The following HTR4 variants were observed in gnomAD, a reference collection of about 807,000 sequenced individuals.
HTR4 encodes the protein 5-hydroxytryptamine receptor 4.
In HTR4, 16 loss-of-function variants were observed where a neutral mutation model predicts 36.8. That is an observed-to-expected ratio of 0.43 (90% CI 0.29 to 0.66). The LOEUF (loss-of-function observed/expected upper bound fraction) is 0.66, where lower values mean the gene tolerates loss of function less well. HTR4 is among the 30% of genes least tolerant of loss of function. HTR4 has a pLI of 0.13. For missense variants in HTR4, 438 were observed against 490.9 expected, an observed-to-expected ratio of 0.89 and a Z score of 1.02; for synonymous variants, 189 against 185.1, an observed-to-expected ratio of 1.02 and a Z score of -0.17.
chr5:148,531,326 G>A (rs146580423), intron 4 of HTR4, among the ~76,000 whole-genome samples: 1 of 152,052 alleles, frequency 6.6e-6, no homozygotes, highest in Admixed American at 6.6e-5. Context: ...TTAATCATGG[G>A]GTGGGTGTTC....
chr5:148,457,587 AG>A (rs1354367556), intron 5 of HTR4, among the ~76,000 whole-genome samples: 1 of 150,816 alleles, frequency 6.6e-6, no homozygotes, highest in Non-Finnish European at 1.5e-5. Flanking sequence ...AGACTGGGTG[AG>A]GAGGGAGGTT....
chr5:148,581,812 C>A (rs1761147667), intron 2 of HTR4, among the ~76,000 whole-genome samples: 1 of 151,948 alleles, frequency 6.6e-6, no homozygotes, highest in Non-Finnish European at 1.5e-5. Flanking sequence ...ATTGTCTTGA[C>A]TATTTAAGGT....
At chr5:148,472,173 G>C (rs1371406158), downstream of HTR4, among the ~76,000 whole-genome samples, 2 of 152,168 alleles carry the variant, frequency 1.3e-5, no homozygotes, top group Non-Finnish European at 1.5e-5. Flanking sequence ...TGGCAATACA[G>C]AGTCTCTTCC....
intron 1 of HTR4, among the ~76,000 whole-genome samples, chr5:148,653,608 AAC>A (rs56205829): frequency 0.21 from 31,989 of 148,892 alleles, 3,918 homozygotes; most frequent in African/African-American, 0.35. Flanking sequence ...CTCTCTCTCT[AAC>A]ACACACACAC....
At chr5:148,584,722 T>C (rs1761285411) in intron 2 of HTR4, among the ~76,000 whole-genome samples, 1 of 152,152 alleles carries the variant, frequency 6.6e-6, no homozygotes, top group Admixed American at 6.5e-5. Context: ...AGCAACAAGA[T>C]ATAGTTTGGG....
At chr5:148,559,693 G>A (rs1270295083) in intron 2 of HTR4, among the ~76,000 whole-genome samples, 3 of 152,032 alleles carry the variant, frequency 2.0e-5, no homozygotes, top group African/African-American at 2.4e-5. Flanking sequence ...CAATGACTGC[G>A]AGCTAGCTTC....
chr5:148,475,588 C>T (rs184011769), downstream of HTR4, among the ~76,000 whole-genome samples: 1 of 152,350 alleles, frequency 6.6e-6, no homozygotes, highest in African/African-American at 2.4e-5. Flanking sequence ...CCATCTCCAT[C>T]TTCTCCTGAA....
At chr5:148,537,064 A>G (rs1478617040) in intron 4 of HTR4, among the ~76,000 whole-genome samples, 1 of 152,244 alleles carries the variant, frequency 6.6e-6, no homozygotes, top group African/African-American at 2.4e-5. Context: ...CAATAAAAAC[A>G]GAAGTCAAGG....
intron 6 of HTR4, among the ~76,000 whole-genome samples, chr5:148,498,769 T>G (rs1284628356): frequency 6.6e-6 from 1 of 152,164 alleles, no homozygotes; most frequent in Non-Finnish European, 1.5e-5. Context: ...GAGATGAACT[T>G]CTTTTAAATT....
At chr5:148,545,479 A>G (rs1317486987) in intron 4 of HTR4, among the ~76,000 whole-genome samples, 1 of 152,266 alleles carries the variant, frequency 6.6e-6, no homozygotes, top group African/African-American at 2.4e-5. Context: ...ATTGGAATAG[A>G]AAGACATTTA....
rs780053250 is a variant in HTR4, at chr5:148,509,933, G to A, written c.599C>T (p.Ala200Val). Reference sequence around the variant, plus strand: ...CATGAGGAGAAATGGGATGTAGAAGGCCACCACAGAGCAGGTGATGGCGTA... The same window carrying A: ...CATGAGGAGAAATGGGATGTAGAAGACCACCACAGAGCAGGTGATGGCGTA... ...KPYAITCSVV[A>V]FYIPFLLMVL... The change falls in exon 6 of 7, where the codon GCC (alanine) becomes GTC (valine). Residue 200 changes from alanine (A) to valine (V), a missense_variant. Ala to Val is a moderately conservative substitution (Grantham distance 64). Transcript: ENST00000377888. The A allele has an allele frequency of 6.2e-7, 1 of 1,613,926 alleles. No homozygotes were observed. The highest frequency in any genetic ancestry group is 8.5e-7 in the Non-Finnish European group (1 of 1,179,948).
chr5:148,638,940 G>C (rs1753638635), intron 1 of HTR4, among the ~76,000 whole-genome samples: 1 of 152,066 alleles, frequency 6.6e-6, no homozygotes, highest in Non-Finnish European at 1.5e-5. Flanking sequence ...CCAGCTACCT[G>C]GGGGGCTGAG....
intron 5 of HTR4, among the ~76,000 whole-genome samples, chr5:148,469,950 T>G (rs1161428184): frequency 1.3e-5 from 2 of 152,192 alleles, no homozygotes; most frequent in Non-Finnish European, 1.5e-5. Flanking sequence ...CATTTTCTCA[T>G]GTATCAGAGG....
intron 6 of HTR4, among the ~76,000 whole-genome samples, chr5:148,506,376 G>A (rs1757213811): frequency 6.6e-6 from 1 of 152,142 alleles, no homozygotes; most frequent in African/African-American, 2.4e-5. Flanking sequence ...ATTAATTCAA[G>A]ATGGATTAAA....
chr5:148,542,964 T>C (rs1475038974), intron 4 of HTR4, among the ~76,000 whole-genome samples: 4 of 152,204 alleles, frequency 2.6e-5, no homozygotes, highest in Non-Finnish European at 4.4e-5. Context: ...CTGGGAGTCA[T>C]GGTGCCTGAC....
At chr5:148,467,540 C>CT (rs561475919) in intron 5 of HTR4, among the ~76,000 whole-genome samples, 250 of 152,272 alleles carry the variant, frequency 1.6e-3, no homozygotes, top group African/African-American at 5.7e-3. Flanking sequence ...CTTATGAACA[C>CT]TTGTTTCCAC....
intron 1 of HTR4, among the ~76,000 whole-genome samples, chr5:148,643,563 C>G (rs78386600): frequency 0.029 from 4,345 of 152,218 alleles, 209 homozygotes; most frequent in African/African-American, 0.099. Flanking sequence ...TGTGCTTTTG[C>G]AATCACTTGA....
At chr5:148,510,750 C>G (rs1002127118) in intron 5 of HTR4, among the ~76,000 whole-genome samples, 1 of 152,200 alleles carries the variant, frequency 6.6e-6, no homozygotes, top group East Asian at 1.9e-4. Context: ...AGTCATTTCT[C>G]TACGTATTGA....
chr5:148,550,818 C>T (rs1014754213), intron 2 of HTR4, among the ~76,000 whole-genome samples: 2 of 152,148 alleles, frequency 1.3e-5, no homozygotes, highest in African/African-American at 4.8e-5. Flanking sequence ...GTGGACGTCT[C>T]ATGGCATGAT....
Sources: gnomAD v4.1 joint callset for allele counts (sites outside exome capture counted in the v4.1 genomes callset) on GRCh38, gnomAD v4.1.1 for gene constraint, MANE v1.5 for transcripts, NCBI Gene and HGNC (gene_info 2026-07-23, HGNC 2026-07-21) for gene names.